The following DOCK4 variants were observed in gnomAD, a reference collection of about 807,000 sequenced individuals.
DOCK4 encodes the protein dedicator of cytokinesis protein 4.
Under a neutral mutation model 268.1 loss-of-function variants are expected in DOCK4, and 97 were observed. That is an observed-to-expected ratio of 0.36 (90% CI 0.31 to 0.43). DOCK4 has a LOEUF of 0.43. Among genes scored for constraint, DOCK4 ranks in the 20% least tolerant of loss-of-function variants. DOCK4 has a pLI of 1.00. For missense variants in DOCK4, 2,145 were observed against 2,455.7 expected (o/e 0.87, Z 2.67); for synonymous variants, 954 against 887.2 (o/e 1.08, Z -1.34).
chr7:111,765,724 G>A (rs1797721460), intron 38 of DOCK4, among the ~76,000 whole-genome samples: 1 of 152,224 alleles, frequency 6.6e-6, no homozygotes, highest in South Asian at 2.1e-4. Flanking sequence ...ATCTTGCACA[G>A]GTTGGGCAAG....
chr7:111,728,102 T>C lies in DOCK4; in HGVS notation c.*172A>G. The C allele has an allele frequency of 2.1e-6, 1 of 484,178 alleles. No homozygotes were observed. The allele number at this position is 484,178 out of a possible 1,614,324, so 30.0% of individuals were successfully genotyped here. A position where few individuals can be genotyped will look rare whatever the true frequency, so the allele number is the denominator to read the frequency against. On this transcript the variant is annotated 3_prime_UTR_variant, in exon 53 of 53. Coordinates refer to ENST00000428084, the MANE Select transcript of DOCK4 (RefSeq NM_001363540.2). ...ATACTTCATTTAACATCTGGCGTTT[T>C]AGATCAGCAACTTTTAATATTGTGC... is the stretch of plus-strand genomic sequence containing the variant.
intron 1 of DOCK4, among the ~76,000 whole-genome samples, chr7:112,174,670 C>G (rs774353943): frequency 8.6e-5 from 13 of 151,982 alleles, no homozygotes; most frequent in Non-Finnish European, 1.6e-4. Flanking sequence ...GTTCTAATCA[C>G]CACCTTAGGA....
At chr7:111,908,191 G>A (rs867641035) in intron 13 of DOCK4, among the ~76,000 whole-genome samples, 5 of 152,082 alleles carry the variant, frequency 3.3e-5, no homozygotes, top group African/African-American at 7.2e-5. Context: ...GCTCACACCT[G>A]TAATCCCAGC....
chr7:112,188,242 C>T (rs147177505), intron 1 of DOCK4, among the ~76,000 whole-genome samples: 20 of 152,286 alleles, frequency 1.3e-4, no homozygotes, highest in African/African-American at 4.6e-4. Flanking sequence ...GAACACAAAC[C>T]AAAACATTTC....
At chr7:112,159,831 TATATATATACATA>T (rs1477096510) in intron 1 of DOCK4, among the ~76,000 whole-genome samples, 104 of 148,614 alleles carry the variant, frequency 7.0e-4, no homozygotes, top group Admixed American at 1.9e-3. Context: ...TAATATTATG[TATATATATACATA>T]ATATATATAC....
intron 1 of DOCK4, among the ~76,000 whole-genome samples, chr7:112,096,242 C>T (rs764525975): frequency 4.6e-5 from 7 of 152,008 alleles, no homozygotes; most frequent in Middle Eastern, 3.2e-3. Flanking sequence ...GTGGTGGGAA[C>T]ATGGTTCACT....
intron 1 of DOCK4, among the ~76,000 whole-genome samples, chr7:112,012,989 A>T (rs1004505485): frequency 6.6e-6 from 1 of 152,146 alleles, no homozygotes. Context: ...AAAGTCACGA[A>T]AAAAAGTTAG....
intron 1 of DOCK4, among the ~76,000 whole-genome samples, chr7:112,139,621 G>A (rs1488134292): frequency 6.6e-6 from 1 of 152,176 alleles, no homozygotes. Flanking sequence ...TGATACTTCT[G>A]TAGCCAAGCG....
intron 16 of DOCK4, among the ~76,000 whole-genome samples, chr7:111,887,163 G>A (rs1393426798): frequency 6.6e-6 from 1 of 152,174 alleles, no homozygotes; most frequent in African/African-American, 2.4e-5. Flanking sequence ...TTTAGACATG[G>A]TGGGTAAATG....
At chr7:112,113,542 T>A (rs1385076647) in intron 1 of DOCK4, among the ~76,000 whole-genome samples, 2 of 152,014 alleles carry the variant, frequency 1.3e-5, no homozygotes, top group Non-Finnish European at 2.9e-5. Flanking sequence ...TTTCCAAAAA[T>A]TCAATAAAGA....
At chr7:111,847,619 C>T (rs1804219275) in intron 23 of DOCK4, among the ~76,000 whole-genome samples, 1 of 152,142 alleles carries the variant, frequency 6.6e-6, no homozygotes, top group Admixed American at 6.5e-5. Context: ...CTATACTGTC[C>T]TTGTGGTAGT....
chr7:112,134,599 C>G (rs1247391583), intron 1 of DOCK4, among the ~76,000 whole-genome samples: 2 of 152,098 alleles, frequency 1.3e-5, no homozygotes, highest in Non-Finnish European at 2.9e-5. Flanking sequence ...CAGGCAAGTC[C>G]CAGCTACTCA....
chr7:112,144,131 A>G (rs1815203274), intron 1 of DOCK4, among the ~76,000 whole-genome samples: 1 of 152,152 alleles, frequency 6.6e-6, no homozygotes, highest in Admixed American at 6.6e-5. Flanking sequence ...CTCCCATTAA[A>G]TTCTACTGGA....
rs377533752 is a variant in DOCK4 at position 111,844,874 on chromosome 7, T to A, written c.2625A>T (p.Ile875=). The change falls in exon 25 of 53, where the codon ATA becomes ATT. Residue 875 remains isoleucine, a synonymous_variant. Coordinates refer to ENST00000428084, the MANE Select transcript of DOCK4 (RefSeq NM_001363540.2). ...NSSEKSVLEE[I]DVIVASLLDI... The stretch of plus-strand genomic sequence containing the variant: ...CCAGCAAGCTGGCCACTATCACATC[T>A]ATTTCCTCCAGCACAGATTTTTCCT... 3.3e-5 allele frequency: 54 copies of A among 1,612,804 alleles called. No homozygotes were observed. The Middle Eastern group carries it at 6.6e-4, about 20-fold the overall frequency.
intron 8 of DOCK4, among the ~76,000 whole-genome samples, chr7:111,960,530 T>C (rs1418227398): frequency 1.4e-5 from 2 of 144,818 alleles, no homozygotes; most frequent in Non-Finnish European, 3.0e-5. Context: ...GTGCTTTTTT[T>C]TTTTTTTTTT....
intron 1 of DOCK4, among the ~76,000 whole-genome samples, chr7:112,157,673 G>A (rs924868663): frequency 4.6e-5 from 7 of 152,274 alleles, no homozygotes; most frequent in East Asian, 3.9e-4. Flanking sequence ...TATTTCAGAC[G>A]GAGAGAGCTG....
intron 1 of DOCK4, among the ~76,000 whole-genome samples, chr7:112,198,245 T>C (rs1820632152): frequency 6.6e-6 from 1 of 151,994 alleles, no homozygotes; most frequent in African/African-American, 2.4e-5. Flanking sequence ...CCATGACCCC[T>C]TCCCCCTACC....
chr7:112,022,820 A>T (rs1311659450), intron 1 of DOCK4, among the ~76,000 whole-genome samples: 1 of 151,980 alleles, frequency 6.6e-6, no homozygotes, highest in African/African-American at 2.4e-5. Context: ...TAATATCCAA[A>T]CTCTGGTTCC....
chr7:112,118,676 T>C (rs1812414804), intron 1 of DOCK4, among the ~76,000 whole-genome samples: 1 of 152,102 alleles, frequency 6.6e-6, no homozygotes, highest in Non-Finnish European at 1.5e-5. Context: ...AAGATCATCT[T>C]CTCTTCTAAC....
Sources: allele counts gnomAD v4.1 joint callset (sites outside exome capture counted in the v4.1 genomes callset), GRCh38; gene constraint gnomAD v4.1.1; transcripts MANE v1.5; gene names NCBI Gene and HGNC (gene_info 2026-07-23, HGNC 2026-07-21).